Variants in CACNA1E observed in about 807,000 individuals in gnomAD.
CACNA1E encodes the protein calcium voltage-gated channel subunit alpha1 E.
Under a neutral mutation model 259.2 loss-of-function variants are expected in CACNA1E, and 40 were observed. That is an observed-to-expected ratio of 0.15 (90% CI 0.12 to 0.20). The LOEUF (loss-of-function observed/expected upper bound fraction) is 0.20, where lower values mean the gene tolerates loss of function less well. Among genes scored for constraint, CACNA1E ranks in the 10% least tolerant of loss-of-function variants. The pLI, the probability that CACNA1E is intolerant of heterozygous loss-of-function variation, is 1.00. For missense variants in CACNA1E, 1,874 were observed against 3,040.1 expected (o/e 0.62, Z 9.02); for synonymous variants, 1,104 against 1,138.5 (o/e 0.97, Z 0.61).
At position 181,347,296 on chromosome 1, in the gene CACNA1E, G is replaced by C. The variant is rs190196321; in HGVS notation, c.-15+29173G>C. Among the ~76,000 whole-genome samples the C allele has an allele frequency of 1.2e-3, 187 of 152,280 alleles. 1 individual carries two copies. The highest frequency in any genetic ancestry group is 4.3e-3 in the African/African-American group (179 of 41,558). On this transcript the variant is annotated intron_variant, in intron 1 of 11. Coordinates refer to the CACNA1E transcript ENST00000524607. The stretch of plus-strand genomic sequence containing the variant: ...CTGTAAAGCATGACTGTTCATGGAG[G>C]CAGAAAGTCCCAGGAACCTTCCCAA...
At chr1:181,669,944 G>C (rs971391222) in intron 7 of CACNA1E, among the ~76,000 whole-genome samples, 14 of 152,300 alleles carry the variant, frequency 9.2e-5, no homozygotes, top group African/African-American at 3.4e-4. Context: ...TGTTGCTGTT[G>C]TGAAGGCCTT....
chr1:181,543,708 TG>T, intron 3 of CACNA1E, among the ~76,000 whole-genome samples: 1 of 152,300 alleles, frequency 6.6e-6, no homozygotes, highest in East Asian at 1.9e-4. Flanking sequence ...ACCCAGTGTA[TG>T]GTATTTTTTA....
chr1:181,347,838 G>T (rs1652723895), intron 1 of CACNA1E, among the ~76,000 whole-genome samples: 1 of 152,256 alleles, frequency 6.6e-6, no homozygotes. Context: ...CTTCTGGTGA[G>T]AAGTGCTCTA....
intron 7 of CACNA1E, among the ~76,000 whole-genome samples, chr1:181,679,368 G>C (rs1031936124): frequency 4.2e-4 from 64 of 152,112 alleles, no homozygotes; most frequent in African/African-American, 1.5e-3. Context: ...TTTCACTTGG[G>C]TCTCTCTTAA....
At chr1:181,418,712 T>A (rs546833702) in intron 2 of CACNA1E, among the ~76,000 whole-genome samples, 8 of 152,230 alleles carry the variant, frequency 5.3e-5, no homozygotes, top group African/African-American at 1.9e-4. Context: ...GTTGAAGTCA[T>A]TTTGATTCTC....
intron 1 of CACNA1E, among the ~76,000 whole-genome samples, chr1:181,381,923 A>T (rs947584731): frequency 6.6e-6 from 1 of 152,184 alleles, no homozygotes; most frequent in Non-Finnish European, 1.5e-5. Context: ...CTAGTTGAGA[A>T]TGTGGAACTA....
At chr1:181,387,678 G>A (rs189889005) in intron 1 of CACNA1E, among the ~76,000 whole-genome samples, 14 of 152,364 alleles carry the variant, frequency 9.2e-5, no homozygotes, top group Admixed American at 2.6e-4. Context: ...GACTGGAGAC[G>A]TGGTAATTTT....
intron 1 of CACNA1E, among the ~76,000 whole-genome samples, chr1:181,386,502 C>T (rs1054248492): frequency 9.2e-5 from 14 of 152,088 alleles, no homozygotes; most frequent in South Asian, 2.1e-4. Context: ...TGAAGGACAC[C>T]GAAGGGGGTG....
At chr1:181,537,137 T>C (rs1476754972) in intron 3 of CACNA1E, among the ~76,000 whole-genome samples, 1 of 148,658 alleles carries the variant, frequency 6.7e-6, no homozygotes, top group East Asian at 2.0e-4. Flanking sequence ...TTTGCTCTTG[T>C]TGCCCAGGCT....
intron 6 of CACNA1E, among the ~76,000 whole-genome samples, chr1:181,585,459 A>G (rs1488083264): frequency 1.3e-5 from 2 of 152,242 alleles, no homozygotes; most frequent in African/African-American, 2.4e-5. Context: ...TACAGTAGAG[A>G]GTAAAACATA....
At chr1:181,372,693 C>T (rs910029496) in intron 1 of CACNA1E, among the ~76,000 whole-genome samples, 2 of 151,990 alleles carry the variant, frequency 1.3e-5, no homozygotes, top group Non-Finnish European at 2.9e-5. Flanking sequence ...ATGGGGAATG[C>T]GTCCAGCTTT....
At chr1:181,686,541 C>A (rs140936751) in intron 7 of CACNA1E, among the ~76,000 whole-genome samples, 1 of 152,078 alleles carries the variant, frequency 6.6e-6, no homozygotes, top group Admixed American at 6.6e-5. Context: ...CCTGCAGCAG[C>A]CTCCCAAAGT....
chr1:181,668,271 C>A (rs1197754269), intron 7 of CACNA1E, among the ~76,000 whole-genome samples: 6 of 152,222 alleles, frequency 3.9e-5, no homozygotes, highest in Admixed American at 3.9e-4. Context: ...GACCTTTCTT[C>A]ACTTAGCATA....
chr1:181,641,826 G>C (rs1369854733), intron 6 of CACNA1E, among the ~76,000 whole-genome samples: 1 of 141,030 alleles, frequency 7.1e-6, no homozygotes, highest in East Asian at 2.1e-4. Context: ...CGATTCTTCT[G>C]CCTCAGCCTC....
rs71978337 is a variant in CACNA1E at position 181,548,130 on chromosome 1, T to TTTTTTTTC, written c.513-29629_513-29628insCTTTTTTT. Among the ~76,000 whole-genome samples the TTTTTTTTC allele has an allele frequency of 1.9e-3, 93 of 49,654 alleles. 3 individuals carry two copies. The highest frequency in any genetic ancestry group is 0.017 in the Middle Eastern group (1 of 60). 32.6% of individuals were successfully genotyped at this position (49,654 alleles called of 152,430 possible). A position where few individuals can be genotyped will look rare whatever the true frequency, so the allele number is the denominator to read the frequency against. ...CTGTTCCCATAACACTTTTTTTTTC[T>TTTTTTTTC]TTTTTTTTTTTTGAGTCAGGGTCTC... is the stretch of plus-strand genomic sequence containing the variant. On this transcript the variant is annotated intron_variant, in intron 3 of 47. Transcript: ENST00000367573.
At chr1:181,360,503 A>C (rs939702505) in intron 1 of CACNA1E, among the ~76,000 whole-genome samples, 3 of 152,214 alleles carry the variant, frequency 2.0e-5, no homozygotes, top group Non-Finnish European at 2.9e-5. Context: ...TAATGGCCAT[A>C]TACTGCATGA....
chr1:181,605,726 AT>A (rs912540355), intron 6 of CACNA1E, among the ~76,000 whole-genome samples: 1 of 152,108 alleles, frequency 6.6e-6, no homozygotes, highest in Non-Finnish European at 1.5e-5. Flanking sequence ...GTCCTGGGCT[AT>A]TTTGGGTGGG....
chr1:181,693,406 G>A (rs948441819), intron 7 of CACNA1E, among the ~76,000 whole-genome samples: 2 of 152,038 alleles, frequency 1.3e-5, no homozygotes, highest in Non-Finnish European at 2.9e-5. Flanking sequence ...AGTCAATCTA[G>A]ATGCCCATCA....
At chr1:181,416,610 C>G (rs1047591798) in intron 2 of CACNA1E, among the ~76,000 whole-genome samples, 2 of 152,152 alleles carry the variant, frequency 1.3e-5, no homozygotes, top group African/African-American at 4.8e-5. Context: ...TCTGCTGGAG[C>G]CTCCCCCCAG....
Sources: allele counts gnomAD v4.1 joint callset (sites outside exome capture counted in the v4.1 genomes callset), GRCh38; gene constraint gnomAD v4.1.1; transcripts MANE v1.5; gene names NCBI Gene and HGNC (gene_info 2026-07-23, HGNC 2026-07-21).